FBLN7: variants seen among roughly 807,000 people sequenced by gnomAD.
The protein encoded by FBLN7 is fibulin-7.
Under a neutral mutation model 44.0 loss-of-function variants are expected in FBLN7, and 31 were observed. The ratio of observed to expected loss-of-function variants is 0.70; its 90% CI spans 0.53 to 0.95. The LOEUF (loss-of-function observed/expected upper bound fraction) is 0.95, where lower values mean the gene tolerates loss of function less well. FBLN7 is among the 40% of genes least tolerant of loss of function. FBLN7 has a pLI of 0.00. For synonymous variants in FBLN7, 262 were observed against 253.4 expected (o/e 1.03, Z -0.32); for missense variants, 573 against 618.5 (o/e 0.93, Z 0.78).
At chr2:112,209,013 A>G in the FBLN7 span, among the ~76,000 whole-genome samples, 1 of 152,132 alleles carries the variant, frequency 6.6e-6, no homozygotes, top group African/African-American at 2.4e-5. Flanking sequence ...TTAAAAATGC[A>G]TATTAGACAA....
chr2:112,180,120 A>G (rs548564201), intron 4 of FBLN7, among the ~76,000 whole-genome samples: 2 of 152,320 alleles, frequency 1.3e-5, no homozygotes, highest in African/African-American at 4.8e-5. Flanking sequence ...CAGCGTCTAT[A>G]AGGAACTTAA....
At chr2:112,152,673 G>A (rs1402226620) in intron 1 of FBLN7, 2 of 152,174 alleles carry the variant, frequency 1.3e-5, no homozygotes, top group Non-Finnish European at 2.9e-5. Context: ...AAAAGACTGA[G>A]GTCCCCTGAG....
chr2:112,213,238 G>A, the FBLN7 span: 10 of 152,136 alleles, frequency 6.6e-5, no homozygotes, highest in Non-Finnish European at 1.3e-4. Context: ...CCAAAGTGCC[G>A]AGATTCAAGG....
the FBLN7 span, among the ~76,000 whole-genome samples, chr2:112,228,099 A>C: frequency 6.6e-6 from 1 of 152,254 alleles, no homozygotes; most frequent in Admixed American, 6.5e-5. Flanking sequence ...ACACATATAG[A>C]GGTCAATGGA....
chr2:112,233,361 C>T, the FBLN7 span: 4 of 1,587,866 alleles, frequency 2.5e-6, no homozygotes, highest in Non-Finnish European at 3.4e-6. Flanking sequence ...ATCAAATTTA[C>T]ACTGGTCTCC....
chr2:112,182,798 C>T lies in FBLN7; in HGVS notation c.678C>T (p.Asn226=), dbSNP rs377292553. The part of the protein sequence containing the change: ...AAGDSVCQDV[N]ECELYGQEGR... ...GAGCACTTCTGTCTGCAGACGTGAA[C>T]GAGTGTGAGCTCTACGGGCAGGAGG... Residue 226 remains asparagine (N), a synonymous_variant, in exon 6 of 8, where the codon AAC becomes AAT. Coordinates refer to ENST00000331203, the MANE Select transcript of FBLN7 (RefSeq NM_153214.3). 2.9e-5 allele frequency: 47 copies of T among 1,601,400 alleles called. No homozygotes were observed. Among genetic ancestry groups the T allele is most frequent in the African/African-American group, 5.4e-5 (4 of 74,368 alleles).
At chr2:112,238,213 TATC>T in the FBLN7 span, 1 of 1,180,060 alleles carries the variant, frequency 8.5e-7, no homozygotes, top group Admixed American at 2.4e-5. Flanking sequence ...ACCATAGTCT[TATC>T]ATAAGATAAA....
intron 3 of FBLN7, among the ~76,000 whole-genome samples, chr2:112,169,618 AT>A (rs1424913883): frequency 2.0e-5 from 3 of 152,026 alleles, no homozygotes; most frequent in Admixed American, 6.6e-5. Context: ...CATTCAGCCA[AT>A]TTTTACTGAG....
intron 3 of FBLN7, among the ~76,000 whole-genome samples, chr2:112,167,915 G>GTTATGTTATGTTATA (rs1262362215): frequency 6.6e-6 from 1 of 151,938 alleles, no homozygotes; most frequent in African/African-American, 2.4e-5. Flanking sequence ...GTTATGTTAT[G>GTTATGTTATGTTATA]TTATGTTCAC....
In FBLN7 at chr2:112,165,100, G is replaced by T. The variant is rs201640936; in HGVS notation, c.335G>T (p.Arg112Leu). The T allele has an allele frequency of 5.0e-6, 8 of 1,614,036 alleles. No individual in the cohort carries two copies. The change falls in exon 3 of 8, where the codon CGG (arginine) becomes CTG (leucine). Residue 112 changes from arginine (R) to leucine (L), a missense_variant. Physicochemically the swap from Arg to Leu is moderately radical, Grantham distance 102. Transcript: ENST00000331203. ...CATTTTACCTGCAACCCTGGGTTCC[G>T]GCTGGTCGGGCCCAGCAGCGTGGTG... is the stretch of plus-strand genomic sequence containing the variant. ...EVHFTCNPGFRLVGPSSVVCL... is the reference protein window; with the variant it reads ...EVHFTCNPGFLLVGPSSVVCL...
the FBLN7 span, among the ~76,000 whole-genome samples, chr2:112,202,843 A>T: frequency 2.0e-5 from 3 of 151,036 alleles, no homozygotes; most frequent in Non-Finnish European, 4.4e-5. Flanking sequence ...CTTCTCAAAA[A>T]CTCCACCCCC....
At position 112,164,929 on chromosome 2, in the gene FBLN7, C is replaced by T. The variant is rs968076883; in HGVS notation, c.236-72C>T. ...AGAGGGCACTTCGAGATGGGAAGTC[C>T]TGTAATTCAGTAATGTCTAAGGGCT... is the stretch of plus-strand genomic sequence containing the variant. On this transcript the variant is annotated intron_variant, in intron 2 of 7. Coordinates refer to ENST00000331203, the MANE Select transcript of FBLN7 (RefSeq NM_153214.3). The T allele has an allele frequency of 3.9e-6, 6 of 1,535,542 alleles. No individual in the cohort carries two copies. In the African/African-American group the frequency reaches 6.8e-5, roughly 17 times the overall value.
At chr2:112,143,105 G>A (rs192589750) in intron 1 of FBLN7, among the ~76,000 whole-genome samples, 8 of 152,272 alleles carry the variant, frequency 5.3e-5, no homozygotes, top group South Asian at 4.1e-4. Flanking sequence ...TCTTGTCAGC[G>A]CATCTGTCCC....
the FBLN7 span, chr2:112,234,024 A>C: frequency 1.4e-6 from 1 of 707,708 alleles, no homozygotes; most frequent in Non-Finnish European, 2.1e-6. Flanking sequence ...TCCAGAATGA[A>C]ACAGCTTTAA....
chr2:112,230,902 C>T, the FBLN7 span: 4 of 1,291,160 alleles, frequency 3.1e-6, no homozygotes, highest in Non-Finnish European at 4.0e-6. Context: ...TCTAATTTTA[C>T]CTTTTTATGT....
At chr2:112,220,187 A>AT in the FBLN7 span, among the ~76,000 whole-genome samples, 3 of 152,220 alleles carry the variant, frequency 2.0e-5, no homozygotes, top group African/African-American at 7.2e-5. Flanking sequence ...TGATCCTGTC[A>AT]TAACATTGTT....
At chr2:112,153,219 C>T (rs1043012826) in intron 1 of FBLN7, 9 of 152,174 alleles carry the variant, frequency 5.9e-5, no homozygotes, top group South Asian at 2.1e-4. Context: ...ATGACTCAGA[C>T]GCTGAAGACT....
chr2:112,191,683 G>T (rs926994659), downstream of FBLN7, among the ~76,000 whole-genome samples: 15 of 151,948 alleles, frequency 9.9e-5, no homozygotes, highest in Admixed American at 7.2e-4. Context: ...GCATTTATGC[G>T]ATTAGGGACA....
chr2:112,148,802 T>A (rs1217551410), intron 1 of FBLN7, among the ~76,000 whole-genome samples: 1 of 152,198 alleles, frequency 6.6e-6, no homozygotes, highest in Non-Finnish European at 1.5e-5. Flanking sequence ...GCACCAAGAC[T>A]GAGCAGAAGC....
Sources: gnomAD v4.1 joint callset for allele counts (sites outside exome capture counted in the v4.1 genomes callset) on GRCh38, gnomAD v4.1.1 for gene constraint, MANE v1.5 for transcripts, NCBI Gene and HGNC (gene_info 2026-07-23, HGNC 2026-07-21) for gene names.